The following CIMIP6 variants were observed in gnomAD, a reference collection of about 807,000 sequenced individuals.
CIMIP6 encodes the protein uncharacterized protein C2orf73.
At chr2:54,373,998 C>A in the CIMIP6 span, among the ~76,000 whole-genome samples, 4 of 152,226 alleles carry the variant, frequency 2.6e-5, no homozygotes, top group Non-Finnish European at 4.4e-5. Context: ...CCCATGAATG[C>A]CCATGAGGTC....
chr2:54,382,094 C>T, the CIMIP6 span: 1 of 1,301,608 alleles, frequency 7.7e-7, no homozygotes, highest in South Asian at 1.9e-5. Context: ...AGTCTGATTA[C>T]AAAGCACAAA....
chr2:54,366,344 ACAT>A, the CIMIP6 span, among the ~76,000 whole-genome samples: 1 of 152,232 alleles, frequency 6.6e-6, no homozygotes, highest in South Asian at 2.1e-4. Flanking sequence ...TGAGCCCCTG[ACAT>A]CATCAAACAC....
At chr2:54,365,762 T>C in the CIMIP6 span, among the ~76,000 whole-genome samples, 3 of 152,098 alleles carry the variant, frequency 2.0e-5, no homozygotes, top group Non-Finnish European at 4.4e-5. Context: ...CAGAACACCA[T>C]AAAAATAGGC....
At chr2:54,363,806 T>A in the CIMIP6 span, among the ~76,000 whole-genome samples, 5 of 152,188 alleles carry the variant, frequency 3.3e-5, no homozygotes, top group Non-Finnish European at 5.9e-5. Context: ...ATTTTCTAAA[T>A]CATTTGCAAA....
At chr2:54,360,371 C>T in the CIMIP6 span, 1 of 1,609,806 alleles carries the variant, frequency 6.2e-7, no homozygotes, top group Admixed American at 1.7e-5. Flanking sequence ...AGGTCTCTGC[C>T]AACAAAATTC....
chr2:54,359,200 G>C, the CIMIP6 span: 2 of 650,402 alleles, frequency 3.1e-6, no homozygotes, highest in Non-Finnish European at 5.3e-6. Context: ...TAATAGGATA[G>C]AATGTTAGCC....
chr2:54,345,663 G>A, the CIMIP6 span, among the ~76,000 whole-genome samples: 1 of 152,148 alleles, frequency 6.6e-6, no homozygotes. Flanking sequence ...TTTGCACCCA[G>A]CTAGCCTGAC....
the CIMIP6 span, among the ~76,000 whole-genome samples, chr2:54,332,517 A>G: frequency 1.1e-4 from 16 of 152,234 alleles, no homozygotes; most frequent in African/African-American, 3.9e-4. Flanking sequence ...CATGCAAATG[A>G]GACAAAGGCT....
chr2:54,358,253 C>T, the CIMIP6 span, among the ~76,000 whole-genome samples: 1 of 152,206 alleles, frequency 6.6e-6, no homozygotes, highest in East Asian at 1.9e-4. Flanking sequence ...CTTCGGCATA[C>T]AATTTCTACC....
the CIMIP6 span, among the ~76,000 whole-genome samples, chr2:54,379,095 A>G: frequency 6.6e-6 from 1 of 152,246 alleles, no homozygotes; most frequent in Non-Finnish European, 1.5e-5. Flanking sequence ...ATGATATTAG[A>G]TATCAGCAAA....
At chr2:54,383,244 A>G in the CIMIP6 span, 9 of 152,258 alleles carry the variant, frequency 5.9e-5, no homozygotes, top group Admixed American at 2.6e-4. Context: ...TGACCATGGC[A>G]TGGGCAAACT....
At chr2:54,333,261 A>T in the CIMIP6 span, among the ~76,000 whole-genome samples, 1 of 152,250 alleles carries the variant, frequency 6.6e-6, no homozygotes, top group South Asian at 2.1e-4. Context: ...AAAAGAAATG[A>T]ACAAAGTACT....
At chr2:54,362,081 T>A in the CIMIP6 span, among the ~76,000 whole-genome samples, 1 of 152,204 alleles carries the variant, frequency 6.6e-6, no homozygotes, top group Non-Finnish European at 1.5e-5. Flanking sequence ...CAGTTAGGAA[T>A]ATGAATTTAC....
the CIMIP6 span, chr2:54,361,637 A>G: frequency 6.6e-6 from 1 of 152,216 alleles, no homozygotes; most frequent in African/African-American, 2.4e-5. Context: ...TGCCACATAT[A>G]TATCTCCAAT....
At chr2:54,359,620 A>G in the CIMIP6 span, among the ~76,000 whole-genome samples, 1 of 150,214 alleles carries the variant, frequency 6.7e-6, no homozygotes, top group Non-Finnish European at 1.5e-5. Context: ...AATAATAATA[A>G]TAATAGTAAT....
chr2:54,369,691 G>C, the CIMIP6 span, among the ~76,000 whole-genome samples: 1 of 152,180 alleles, frequency 6.6e-6, no homozygotes, highest in African/African-American at 2.4e-5. Flanking sequence ...GAGTGCATTT[G>C]TTTTCTGATA....
the CIMIP6 span, among the ~76,000 whole-genome samples, chr2:54,352,122 A>T: frequency 3.3e-5 from 5 of 152,106 alleles, no homozygotes; most frequent in African/African-American, 9.7e-5. Context: ...TTTGATCAAA[A>T]TTTTTTTGAC....
At chr2:54,346,789 T>C in the CIMIP6 span, among the ~76,000 whole-genome samples, 1 of 152,242 alleles carries the variant, frequency 6.6e-6, no homozygotes, top group African/African-American at 2.4e-5. Flanking sequence ...TCTCCATATA[T>C]GTTTTCTGCA....
chr2:54,366,135 C>T, the CIMIP6 span, among the ~76,000 whole-genome samples: 1 of 152,144 alleles, frequency 6.6e-6, no homozygotes, highest in Non-Finnish European at 1.5e-5. Context: ...GACAGTATTT[C>T]CCAGCTTCCC....
Sources: allele counts gnomAD v4.1 joint callset (sites outside exome capture counted in the v4.1 genomes callset), GRCh38; gene constraint gnomAD v4.1.1; transcripts MANE v1.5; gene names NCBI Gene and HGNC (gene_info 2026-07-23, HGNC 2026-07-21).